Variants in GNA12 observed in about 807,000 individuals in gnomAD.
GNA12 encodes G protein subunit alpha 12, also known as guanine nucleotide-binding protein subunit alpha-12.
Under a neutral mutation model 26.0 loss-of-function variants are expected in GNA12, and 9 were observed. The observed-to-expected ratio is 0.35, with a 90% confidence interval of 0.21 to 0.60. GNA12 has a LOEUF of 0.60. Ranked by LOEUF, GNA12 falls within the 20% of genes least tolerant of loss-of-function variation. The pLI, the probability that GNA12 is intolerant of heterozygous loss-of-function variation, is 0.78. For synonymous variants in GNA12, 264 were observed against 219.6 expected, an observed-to-expected ratio of 1.20 and a Z score of -1.79; for missense variants, 405 against 525.8, an observed-to-expected ratio of 0.77 and a Z score of 2.25.
Position 2,730,970 on chromosome 7 carries a change from G to GC in GNA12, c.*210dup. 1.9e-6 allele frequency: 1 copy of GC among 525,960 alleles called. No homozygotes were observed. Among genetic ancestry groups the GC allele is most frequent in the Non-Finnish European group, 3.4e-6 (1 of 293,156 alleles). The allele number at this position is 525,960 out of a possible 1,614,324, so 32.6% of individuals were successfully genotyped here. ...ACTCGGATTTTCAGTAGTTTCACTC[G>GC]CCCCCAGGATTCAGTAGCTAACGTG... On this transcript the variant is annotated 3_prime_UTR_variant, in exon 4 of 4. Coordinates refer to ENST00000275364, the MANE Select transcript of GNA12 (RefSeq NM_007353.3).
intron 2 of GNA12, chr7:2,763,473 C>G (rs1791672341): frequency 6.6e-6 from 1 of 152,334 alleles, no homozygotes; most frequent in Admixed American, 6.5e-5. Context: ...CCCCGAGCTC[C>G]CTCAACCCCG....
chr7:2,794,422 T>C (rs1792599685), intron 2 of GNA12, among the ~76,000 whole-genome samples: 1 of 152,238 alleles, frequency 6.6e-6, no homozygotes, highest in South Asian at 2.1e-4. Flanking sequence ...TTTCTGGTTA[T>C]AGATTCAGAC....
chr7:2,762,764 C>T, intron 2 of GNA12: 1 of 1,549,076 alleles, frequency 6.5e-7, no homozygotes, highest in Non-Finnish European at 8.7e-7. Flanking sequence ...CAGGCCCGTC[C>T]TTTCCACCCA....
chr7:2,808,192 G>C (rs1488656225), intron 1 of GNA12, among the ~76,000 whole-genome samples: 1 of 152,244 alleles, frequency 6.6e-6, no homozygotes, highest in East Asian at 1.9e-4. Flanking sequence ...CTGTGAACAT[G>C]TTTCCTTCTC....
chr7:2,820,039 G>A (rs969692036), intron 1 of GNA12, among the ~76,000 whole-genome samples: 4 of 152,342 alleles, frequency 2.6e-5, no homozygotes, highest in Non-Finnish European at 4.4e-5. Flanking sequence ...CTATTCGGCC[G>A]CTTAGAGGGA....
At chr7:2,781,412 CTGTGTGTGTGTGTGTGTGTG>C (rs58348546) in intron 2 of GNA12, among the ~76,000 whole-genome samples, 1 of 143,616 alleles carries the variant, frequency 7.0e-6, no homozygotes, top group East Asian at 2.1e-4. Context: ...AAGTAAGTGT[CTGTGTGTGTGTGTGTGTGTG>C]TGTGTGTGTG....
chr7:2,739,071 G>A (rs926040497), intron 2 of GNA12, among the ~76,000 whole-genome samples: 1 of 152,206 alleles, frequency 6.6e-6, no homozygotes, highest in Non-Finnish European at 1.5e-5. Flanking sequence ...GCTCCGCAGG[G>A]TGTGTCCTCG....
chr7:2,833,883 C>T (rs375623997), intron 1 of GNA12, among the ~76,000 whole-genome samples: 55 of 152,166 alleles, frequency 3.6e-4, no homozygotes, highest in African/African-American at 1.0e-3. Flanking sequence ...TTCAAAGTTC[C>T]GTACGTCCTG....
intron 1 of GNA12, among the ~76,000 whole-genome samples, chr7:2,829,002 G>C (rs1475983589): frequency 6.6e-6 from 1 of 151,986 alleles, no homozygotes; most frequent in African/African-American, 2.4e-5. Flanking sequence ...GGGCCCAGGA[G>C]GTGGAGGCTG....
Position 2,843,404 on chromosome 7 carries a change from G to A in GNA12, c.309+449C>T, listed in dbSNP as rs140003162. Among the ~76,000 whole-genome samples the A allele has an allele frequency of 5.0e-3, 750 of 151,362 alleles. 7 individuals carry two copies. Among genetic ancestry groups the A allele is most frequent in the African/African-American group, 0.017 (695 of 41,222 alleles). ...CATGCCTATAATCCCAGCACTTGAG[G>A]GAGACCAAGGCAGGAGGATCACTTG... On this transcript the variant is annotated intron_variant, in intron 1 of 3. Transcript: ENST00000275364.
intron 1 of GNA12, among the ~76,000 whole-genome samples, chr7:2,836,424 T>C (rs1186302939): frequency 1.3e-5 from 2 of 152,206 alleles, no homozygotes; most frequent in African/African-American, 2.4e-5. Flanking sequence ...ACCTCAGGAC[T>C]TGAGGGATGA....
chr7:2,760,018 T>G (rs1791483016), intron 2 of GNA12, among the ~76,000 whole-genome samples: 2 of 152,208 alleles, frequency 1.3e-5, no homozygotes, highest in African/African-American at 4.8e-5. Context: ...AACACTCAGT[T>G]TTAAAAGTAT....
chr7:2,738,552 A>G (rs1368833270), intron 2 of GNA12, among the ~76,000 whole-genome samples: 1 of 152,068 alleles, frequency 6.6e-6, no homozygotes, highest in Non-Finnish European at 1.5e-5. Flanking sequence ...ACTAAAACCC[A>G]TATTCTGCTT....
intron 1 of GNA12, among the ~76,000 whole-genome samples, chr7:2,837,865 C>T (rs1215344590): frequency 1.3e-5 from 2 of 151,722 alleles, no homozygotes; most frequent in African/African-American, 4.8e-5. Context: ...CAATTTTATT[C>T]AGTCAAAAGG....
chr7:2,796,765 G>A (rs978468289), intron 1 of GNA12, among the ~76,000 whole-genome samples: 2 of 152,142 alleles, frequency 1.3e-5, no homozygotes, highest in African/African-American at 4.8e-5. Flanking sequence ...CATCAACAGG[G>A]TCAAAGGGAT....
rs530150285 is a variant in GNA12, at chr7:2,754,090, GATGA to G, written c.526-20593_526-20590del. On this transcript the variant is annotated intron_variant, in intron 2 of 3. Transcript: ENST00000275364. ...TGTACCCTTTTACCTCCCCACCAGTGATGAATGAGACCCAGCTTCTCAGTATCCT... is the reference window on the plus strand; with the variant it reads ...TGTACCCTTTTACCTCCCCACCAGTGATGAGACCCAGCTTCTCAGTATCCT... Among the ~76,000 whole-genome samples, 205 of 152,262 alleles carry G rather than the reference GATGA, an allele frequency of 1.3e-3. 2 individuals are homozygous for G. Among genetic ancestry groups the G allele is most frequent in the African/African-American group, 4.5e-3 (187 of 41,540 alleles).
chr7:2,842,598 G>A (rs1779028232), intron 1 of GNA12, among the ~76,000 whole-genome samples: 1 of 152,112 alleles, frequency 6.6e-6, no homozygotes, highest in Non-Finnish European at 1.5e-5. Context: ...ACACCTGGCC[G>A]ACTTCTACAG....
chr7:2,801,449 T>C lies in GNA12; in HGVS notation c.310-6306A>G, dbSNP rs569434528. On this transcript the variant is annotated intron_variant, in intron 1 of 3. Transcript: ENST00000275364. ...CCTTCCCCAACTATCAGGGTGAACA[T>C]AGGTTTGGCTTAAAAACACACACAC... is the stretch of plus-strand genomic sequence containing the variant. 1.2e-3 allele frequency among the ~76,000 whole-genome samples: 188 copies of C among 152,256 alleles called. 1 individual carries two copies. The highest frequency in any genetic ancestry group is 4.5e-3 in the African/African-American group (185 of 41,542).
At chr7:2,762,961 C>G in intron 2 of GNA12, 1 of 1,359,438 alleles carries the variant, frequency 7.4e-7, no homozygotes. Flanking sequence ...GTGCCAGGGT[C>G]TCCTGCTCCT....
Sources: allele counts gnomAD v4.1 joint callset (sites outside exome capture counted in the v4.1 genomes callset), GRCh38; gene constraint gnomAD v4.1.1; transcripts MANE v1.5; gene names NCBI Gene and HGNC (gene_info 2026-07-23, HGNC 2026-07-21).